SRGAP1: variants seen among roughly 807,000 people sequenced by gnomAD.
SRGAP1 encodes SLIT-ROBO Rho GTPase activating protein 1.
SRGAP1 carries 43 observed loss-of-function variants against 121.9 expected under a neutral mutation model. The observed-to-expected ratio is 0.35, with a 90% CI of 0.28 to 0.46. SRGAP1 has a LOEUF of 0.46. SRGAP1 is among the 20% of genes least tolerant of loss of function. The pLI, the probability that SRGAP1 is intolerant of heterozygous loss-of-function variation, is 1.00. For synonymous variants in SRGAP1, 447 were observed against 485.4 expected (o/e 0.92, Z 1.04); for missense variants, 1,102 against 1,350.9 (o/e 0.82, Z 2.89).
intron 6 of SRGAP1, among the ~76,000 whole-genome samples, chr12:64,057,382 A>G (rs2035363385): frequency 6.6e-6 from 1 of 152,184 alleles, no homozygotes; most frequent in East Asian, 1.9e-4. Flanking sequence ...AAGTTTAGAC[A>G]TCTGGTTCAG....
rs975281276 is a variant in SRGAP1 at position 64,128,205 on chromosome 12, G to A, written c.2880+5G>A. The A allele has an allele frequency of 7.5e-6, 12 of 1,596,876 alleles. No individual in the cohort carries two copies. Among genetic ancestry groups the A allele is most frequent in the African/African-American group, 4.0e-5 (3 of 74,574 alleles). On this transcript the variant is annotated splice_donor_5th_base_variant and intron_variant, in intron 21 of 21. Transcript: ENST00000355086. Reference sequence around the variant, plus strand: ...GACCCAGAGACAATTGCTCAGGTACGATGCTTTTAATTACATATTGCATTT... The same window carrying A: ...GACCCAGAGACAATTGCTCAGGTACAATGCTTTTAATTACATATTGCATTT...
chr12:63,881,700 A>G (rs188580794), intron 1 of SRGAP1, among the ~76,000 whole-genome samples: 425 of 152,344 alleles, frequency 2.8e-3, no homozygotes, highest in Admixed American at 4.8e-3. Flanking sequence ...GTCAGTGTCC[A>G]ACACTTTTGG....
chr12:63,875,626 T>G (rs189783341), intron 1 of SRGAP1, among the ~76,000 whole-genome samples: 201 of 152,344 alleles, frequency 1.3e-3, no homozygotes, highest in Non-Finnish European at 2.2e-3. Flanking sequence ...TTAGATATCC[T>G]TTTTGATTGG....
chr12:63,931,846 G>A (rs993708378), intron 1 of SRGAP1, among the ~76,000 whole-genome samples: 37 of 152,198 alleles, frequency 2.4e-4, no homozygotes, highest in African/African-American at 8.7e-4. Context: ...GGGAGGAAGA[G>A]AATAGACAAA....
At chr12:64,063,815 CTTA>C (rs2035491477) in intron 7 of SRGAP1, among the ~76,000 whole-genome samples, 1 of 151,996 alleles carries the variant, frequency 6.6e-6, no homozygotes, top group African/African-American at 2.4e-5. Flanking sequence ...TCAGTCTTAA[CTTA>C]TTATGGTGAC....
At chr12:63,962,109 A>G (rs188045835) in intron 1 of SRGAP1, among the ~76,000 whole-genome samples, 42 of 152,318 alleles carry the variant, frequency 2.8e-4, no homozygotes, top group Admixed American at 1.4e-3. Context: ...ATACTGGCTG[A>G]GATTTTGCTG....
At chr12:64,053,522 C>T (rs2035280274) in intron 6 of SRGAP1, among the ~76,000 whole-genome samples, 2 of 152,160 alleles carry the variant, frequency 1.3e-5, no homozygotes, top group Admixed American at 6.5e-5. Flanking sequence ...ATAACAATCT[C>T]TTAGCTTGGA....
chr12:64,127,854 T>A lies in SRGAP1; in HGVS notation c.2541-7T>A, dbSNP rs1012061299. ...TCTGTTTTCTCCCTGTTTCTGTGAA[T>A]GTCTAGGCAACGAAAAAGAGGAGAG... On this transcript the variant is annotated splice_region_variant and splice_polypyrimidine_tract_variant and intron_variant, in intron 20 of 21. Coordinates refer to ENST00000355086, the MANE Select transcript of SRGAP1 (RefSeq NM_020762.4). The A allele has an allele frequency of 6.2e-7, 1 of 1,606,642 alleles. No individual in the cohort carries two copies. Among genetic ancestry groups the A allele is most frequent in the Non-Finnish European group, 8.5e-7 (1 of 1,175,512 alleles).
chr12:63,847,338 A>G (rs1433789447), intron 1 of SRGAP1, among the ~76,000 whole-genome samples: 1 of 151,998 alleles, frequency 6.6e-6, no homozygotes, highest in Non-Finnish European at 1.5e-5. Context: ...TAAATAAATA[A>G]ATAAAGGTAT....
In SRGAP1 at chr12:64,021,823, A is replaced by G. The variant is rs539991676; in HGVS notation, c.489+4811A>G. Reference sequence around the variant, plus strand: ...CTGTACTTCTTAGACATGTGTATTTAAATGATTTAACAGGTGGAATTCATT... The same window carrying G: ...CTGTACTTCTTAGACATGTGTATTTGAATGATTTAACAGGTGGAATTCATT... On this transcript the variant is annotated intron_variant, in intron 4 of 21. Transcript: ENST00000355086. Among the ~76,000 whole-genome samples, 3 of 152,346 alleles carry G rather than the reference A, an allele frequency of 2.0e-5. No homozygotes were observed. The South Asian group carries it at 6.2e-4, about 32-fold the overall frequency.
rs1373244588 is a variant in SRGAP1, at chr12:64,150,956, A to AAAAAAAAAAAAAAAAAAAAAAG, written c.*8288_*8289insAAAAAAAAAAAAAAAAAGAAAA. The AAAAAAAAAAAAAAAAAAAAAAG allele has an allele frequency of 6.8e-6, 1 of 147,932 alleles. No homozygotes were observed. The highest frequency in any genetic ancestry group is 1.5e-5 in the Non-Finnish European group (1 of 67,070). The allele number at this position is 147,932 out of a possible 1,614,324, so 9.2% of individuals were successfully genotyped here. On this transcript the variant is annotated 3_prime_UTR_variant, in exon 22 of 22. Coordinates refer to ENST00000355086, the MANE Select transcript of SRGAP1 (RefSeq NM_020762.4). ...TCTCAAAAAAAAAAAAAAAAAAAAAAAAAACATGGTCAAGATTTGTAATAG... is the reference window on the plus strand; with the variant it reads ...TCTCAAAAAAAAAAAAAAAAAAAAAAAAAAAAAAAAAAAAAAAAAAAGAAAACATGGTCAAGATTTGTAATAG...
chr12:63,963,685 A>G (rs981717341), intron 1 of SRGAP1, among the ~76,000 whole-genome samples: 5 of 152,290 alleles, frequency 3.3e-5, no homozygotes, highest in Middle Eastern at 3.4e-3. Flanking sequence ...ACCTCTCTGT[A>G]TCACCCATCC....
At chr12:63,861,741 CTT>C (rs1442361075) in intron 1 of SRGAP1, among the ~76,000 whole-genome samples, 1 of 152,064 alleles carries the variant, frequency 6.6e-6, no homozygotes, top group African/African-American at 2.4e-5. Context: ...AATCCCAACA[CTT>C]TGGGAGGCTG....
chr12:64,092,490 ATACATACATACATATG>A (rs1321501489), intron 12 of SRGAP1, among the ~76,000 whole-genome samples: 1 of 151,088 alleles, frequency 6.6e-6, no homozygotes, highest in Non-Finnish European at 1.5e-5. Flanking sequence ...ACATACATAC[ATACATACATACATATG>A]TACATAGATT....
At chr12:64,102,642 C>A (rs2036276931) in intron 15 of SRGAP1, among the ~76,000 whole-genome samples, 1 of 152,150 alleles carries the variant, frequency 6.6e-6, no homozygotes, top group Admixed American at 6.5e-5. Context: ...CCTGTTCTGG[C>A]CGTTTCATAT....
chr12:63,961,709 C>G (rs1336333527), intron 1 of SRGAP1, among the ~76,000 whole-genome samples: 1 of 152,136 alleles, frequency 6.6e-6, no homozygotes, highest in African/African-American at 2.4e-5. Flanking sequence ...TGTATGAGTA[C>G]TAGAATTCCA....
At chr12:63,967,750 A>G (rs1341356180) in intron 1 of SRGAP1, among the ~76,000 whole-genome samples, 1 of 152,214 alleles carries the variant, frequency 6.6e-6, no homozygotes, top group Non-Finnish European at 1.5e-5. Context: ...ATGAAAAGCT[A>G]ATTGGAACTG....
intron 3 of SRGAP1, among the ~76,000 whole-genome samples, chr12:64,004,011 C>G (rs1271812168): frequency 6.6e-6 from 1 of 152,222 alleles, no homozygotes; most frequent in Non-Finnish European, 1.5e-5. Context: ...CTGTGAGACT[C>G]TCAACCCTCT....
intron 6 of SRGAP1, 124 bp from the exon 7 acceptor site, chr12:64,062,793 T>C: frequency 1.5e-6 from 1 of 651,064 alleles, no homozygotes; most frequent in Non-Finnish European, 2.6e-6. Context: ...CAGTGCCTAA[T>C]CCAATGTCAT....
Sources: gnomAD v4.1 joint callset for allele counts (sites outside exome capture counted in the v4.1 genomes callset) on GRCh38, gnomAD v4.1.1 for gene constraint, MANE v1.5 for transcripts, NCBI Gene and HGNC (gene_info 2026-07-23, HGNC 2026-07-21) for gene names.